The following NEMP2 variants were observed in gnomAD, a reference collection of about 807,000 sequenced individuals.
NEMP2 encodes nuclear envelope integral membrane protein 2.
A neutral mutation model predicts 54.2 loss-of-function variants in NEMP2; 53 were observed. The observed-to-expected ratio is 0.98, with a 90% CI of 0.78 to 1.23. The LOEUF (loss-of-function observed/expected upper bound fraction) is 1.23, where lower values mean the gene tolerates loss of function less well. NEMP2 is among the 50% of genes most tolerant of loss of function. NEMP2 has a pLI of 0.00. For missense variants in NEMP2, 455 were observed against 511.3 expected (o/e 0.89, Z 1.06); for synonymous variants, 197 against 190.3 (o/e 1.04, Z -0.29).
At chr2:190,466,690 CTG>C in the NEMP2 span, among the ~76,000 whole-genome samples, 1 of 152,202 alleles carries the variant, frequency 6.6e-6, no homozygotes, top group African/African-American at 2.4e-5. Context: ...TATGAGGAAA[CTG>C]AGGCTCAGAG....
At chr2:190,643,023 G>GTT in the NEMP2 span, among the ~76,000 whole-genome samples, 14,092 of 79,164 alleles carry the variant, frequency 0.18, 1,338 homozygotes, top group South Asian at 0.27. Flanking sequence ...AATGGTTAAG[G>GTT]TTTTTTTTTT....
the NEMP2 span, among the ~76,000 whole-genome samples, chr2:190,605,098 T>C: frequency 2.0e-5 from 3 of 152,220 alleles, no homozygotes; most frequent in Non-Finnish European, 4.4e-5. Context: ...CTCTCATTTT[T>C]CATTTTGTAA....
upstream of NEMP2, among the ~76,000 whole-genome samples, chr2:190,536,283 G>A (rs1691375736): frequency 1.3e-5 from 2 of 152,130 alleles, no homozygotes; most frequent in African/African-American, 4.8e-5. Flanking sequence ...TGGGGGAAGG[G>A]CAGGAAGCTT....
chr2:190,594,053 A>G, the NEMP2 span, among the ~76,000 whole-genome samples: 3,524 of 152,232 alleles, frequency 0.023, 139 homozygotes, highest in African/African-American at 0.079. This position sits in a 1 kb window ranked among gnomAD's most constrained non-coding sequence, Gnocchi z 5.6. Context: ...AGGCTGCCCT[A>G]TTGGCTCTGC....
At chr2:190,629,390 G>A in the NEMP2 span, among the ~76,000 whole-genome samples, 3 of 152,148 alleles carry the variant, frequency 2.0e-5, no homozygotes, top group African/African-American at 4.8e-5. Context: ...GATCTAGTTC[G>A]AGGCACTAAG....
chr2:190,431,578 G>A, the NEMP2 span, among the ~76,000 whole-genome samples: 5 of 152,336 alleles, frequency 3.3e-5, no homozygotes, highest in South Asian at 2.1e-4. This position sits in a 1 kb window ranked among gnomAD's most constrained non-coding sequence, Gnocchi z 4.4. Context: ...GGCGGCGCGC[G>A]CCTGCAATCG....
In NEMP2 at chr2:190,514,871, G is replaced by A. The variant is rs970587696; in HGVS notation, c.728-193C>T. Among the ~76,000 whole-genome samples, 8 of 151,988 alleles carry A rather than the reference G, an allele frequency of 5.3e-5. No individual in the cohort carries two copies. Among genetic ancestry groups the A allele is most frequent in the Non-Finnish European group, 1.0e-4 (7 of 68,000 alleles). ...CATATGAGATACTAGGCTGACTTTC[G>A]CAATAATTTGGGATGTACACTCATT... On this transcript the variant is annotated intron_variant, in intron 6 of 8. Transcript: ENST00000409150. The surrounding 1 kb of genome is among the most constrained non-coding windows in gnomAD (Gnocchi z 5.7).
the NEMP2 span, among the ~76,000 whole-genome samples, chr2:190,557,928 A>G: frequency 6.6e-6 from 1 of 152,194 alleles, no homozygotes; most frequent in African/African-American, 2.4e-5. Flanking sequence ...TTCCTGAAGG[A>G]CCTAGAACTA....
the NEMP2 span, among the ~76,000 whole-genome samples, chr2:190,595,091 A>G: frequency 6.6e-6 from 1 of 152,198 alleles, no homozygotes; most frequent in Non-Finnish European, 1.5e-5. This position sits in a 1 kb window ranked among gnomAD's most constrained non-coding sequence, Gnocchi z 4.0. Flanking sequence ...GGAGATGTAC[A>G]TTAAAATAAA....
At chr2:190,449,210 A>T in the NEMP2 span, among the ~76,000 whole-genome samples, 1 of 152,232 alleles carries the variant, frequency 6.6e-6, no homozygotes, top group Non-Finnish European at 1.5e-5. Context: ...GCAGTGGCTC[A>T]TGCCTGTAAT....
chr2:190,631,458 G>GT, the NEMP2 span, among the ~76,000 whole-genome samples: 1 of 152,080 alleles, frequency 6.6e-6, no homozygotes, highest in African/African-American at 2.4e-5. Context: ...TAAGATCAAT[G>GT]TAAAAAAAAC....
the NEMP2 span, among the ~76,000 whole-genome samples, chr2:190,577,741 C>T: frequency 2.6e-5 from 4 of 152,128 alleles, no homozygotes; most frequent in Non-Finnish European, 4.4e-5. The surrounding 1 kb of genome is among the most constrained non-coding windows in gnomAD (Gnocchi z 4.8). Context: ...GGTGTGATGG[C>T]GCATGCCTTT....
the NEMP2 span, among the ~76,000 whole-genome samples, chr2:190,441,466 C>T: frequency 7.3e-6 from 1 of 137,306 alleles, no homozygotes; most frequent in African/African-American, 2.8e-5. Context: ...GGGAGGATTA[C>T]AGGAAAGGAG....
the NEMP2 span, among the ~76,000 whole-genome samples, chr2:190,591,226 C>A: frequency 2.6e-5 from 4 of 152,096 alleles, no homozygotes; most frequent in South Asian, 2.1e-4. This position sits in a 1 kb window ranked among gnomAD's most constrained non-coding sequence, Gnocchi z 5.4. Context: ...GGAGAGTGTG[C>A]CACTTAATGA....
At chr2:190,629,291 T>C in the NEMP2 span, among the ~76,000 whole-genome samples, 3 of 152,174 alleles carry the variant, frequency 2.0e-5, no homozygotes, top group African/African-American at 7.2e-5. Flanking sequence ...TTCATTGAAA[T>C]ACGTATTATG....
At chr2:190,489,788 G>A in the NEMP2 span, 8 of 1,614,082 alleles carry the variant, frequency 5.0e-6, no homozygotes, top group Non-Finnish European at 5.1e-6. The surrounding 1 kb of genome is among the most constrained non-coding windows in gnomAD (Gnocchi z 6.6). Flanking sequence ...AACCTTCCGA[G>A]GAATTGGCAT....
In NEMP2 at chr2:190,510,512, T is replaced by C; in HGVS notation, c.979A>G (p.Lys327Glu). The C allele has an allele frequency of 1.3e-6, 2 of 1,551,960 alleles. No individual in the cohort carries two copies. The highest frequency in any genetic ancestry group is 1.4e-5 in the African/African-American group (1 of 73,150). The change falls in exon 8 of 9, where the codon AAA becomes GAA. Residue 327 changes from lysine to glutamate, a missense_variant. Physicochemically the swap from Lys to Glu is moderately conservative, Grantham distance 56. Coordinates refer to ENST00000409150, the MANE Select transcript of NEMP2 (RefSeq NM_001142645.2). The surrounding 1 kb of genome is among the most constrained non-coding windows in gnomAD (Gnocchi z 5.7). ...RWKMEQWFTS[K>E]ELVVKYLTED... ...GTAAGATATTTCACCACCAGCTCTT[T>C]TGATGTAAACCACTGCTCCATTTTC...
At chr2:190,479,053 A>G in the NEMP2 span, among the ~76,000 whole-genome samples, 3 of 152,124 alleles carry the variant, frequency 2.0e-5, no homozygotes, top group Non-Finnish European at 4.4e-5. Context: ...TCAGTCTTGC[A>G]GTTTCTTGAT....
the NEMP2 span, among the ~76,000 whole-genome samples, chr2:190,440,487 CT>C: frequency 6.6e-6 from 1 of 152,146 alleles, no homozygotes; most frequent in Admixed American, 6.5e-5. Flanking sequence ...TATTTTTAGG[CT>C]ATAAATGATT....
Sources: allele counts gnomAD v4.1 joint callset (sites outside exome capture counted in the v4.1 genomes callset), GRCh38; gene constraint gnomAD v4.1.1; non-coding constraint Gnocchi (gnomAD v3.1); transcripts MANE v1.5; gene names NCBI Gene and HGNC (gene_info 2026-07-23, HGNC 2026-07-21).